The following COL16A1 variants were observed in gnomAD, a reference collection of about 807,000 sequenced individuals.
The protein encoded by COL16A1 is collagen alpha-1(XVI) chain.
Under a neutral mutation model 266.3 loss-of-function variants are expected in COL16A1, and 189 were observed. The ratio of observed to expected loss-of-function variants is 0.71; its 90% confidence interval spans 0.63 to 0.80. COL16A1 has a LOEUF of 0.80. Ranked by LOEUF, COL16A1 falls within the 30% of genes least tolerant of loss-of-function variation. The pLI is 0.00. For missense variants in COL16A1, 1,928 were observed against 2,122.4 expected (o/e 0.91, Z 1.80); for synonymous variants, 740 against 782.3 (o/e 0.95, Z 0.90).
At position 31,672,624 on chromosome 1, in the gene COL16A1, A is replaced by G. The variant is rs370069154; in HGVS notation, c.2990T>C (p.Leu997Pro). 4 of 1,605,058 alleles carry G rather than the reference A, an allele frequency of 2.5e-6. No individual in the cohort carries two copies. The African/African-American group carries it at 5.4e-5, about 21-fold the overall frequency. ...GGCCTCCTCGGCTCTTGGGCGCTCC[A>G]GTGACAAAAAGCACTGCAAGGGACA... ...LDNCAQCFLS[L>P]ERPRAEEARG... The change falls in exon 46 of 71, where the codon CTG becomes CCG. Residue 997 changes from leucine (L) to proline (P), a missense_variant. Leu to Pro is a moderately conservative substitution (Grantham distance 98, BLOSUM62 -3). Around this residue, in one of 2 missense-constraint regions of COL16A1, gnomAD observed 1,552 missense variants for 1,637.2 expected, o/e 0.95. Coordinates refer to ENST00000373672, the MANE Select transcript of COL16A1 (RefSeq NM_001856.4).
intron 40 of COL16A1, 77 bp downstream of exon 40, chr1:31,679,959 GGGCCTT>G: frequency 1.3e-6 from 2 of 1,585,456 alleles, no homozygotes; most frequent in Non-Finnish European, 8.6e-7. Flanking sequence ...TGGCCCTGCG[GGGCCTT>G]TGCACACTGG....
chr1:31,696,816 T>A (rs1644522024), intron 8 of COL16A1, 147 bp downstream of exon 8: 2 of 1,321,442 alleles, frequency 1.5e-6, no homozygotes, highest in African/African-American at 2.9e-5. Flanking sequence ...CATTTAGGGG[T>A]GGCGTACAAA....
intron 17 of COL16A1, 94 bp from the exon 18 acceptor site, chr1:31,691,736 T>G: frequency 1.7e-6 from 2 of 1,196,036 alleles, no homozygotes; most frequent in Non-Finnish European, 2.3e-6. Flanking sequence ...CCACCCTCCC[T>G]GCCCCTCCCC....
At position 31,694,172 on chromosome 1, in the gene COL16A1, T is replaced by C. The variant is rs777622969; in HGVS notation, c.982-2A>G. ...GGGGCCAGAGGGAGCAAGTGTGACC[T>C]GAGGGGACAGAGGAGAGGGCATCAC... On this transcript the variant is annotated splice_acceptor_variant, in intron 11 of 70. Coordinates refer to ENST00000373672, the MANE Select transcript of COL16A1 (RefSeq NM_001856.4). LOFTEE classifies it high-confidence loss of function. The C allele has an allele frequency of 1.9e-6, 3 of 1,590,798 alleles. No homozygotes were observed. In the South Asian group the frequency reaches 3.5e-5, roughly 18 times the overall value.
chr1:31,692,107 G>A, intron 16 of COL16A1, 40 bp from the exon 17 acceptor site: 1 of 1,612,778 alleles, frequency 6.2e-7, no homozygotes, highest in South Asian at 1.1e-5. Flanking sequence ...ATGAGGGAAG[G>A]GCCTGGGACA....
intron 23 of COL16A1, chr1:31,689,446 C>T: frequency 1.8e-6 from 1 of 562,340 alleles, no homozygotes; most frequent in Middle Eastern, 4.7e-4. Flanking sequence ...AATCCTAGGA[C>T]ACAGCCTCAC....
Position 31,661,647 on chromosome 1 carries a change from C to G in COL16A1, c.3726+13G>C, listed in dbSNP as rs771048618. ...CTTCGCAGCTTCCAACTCCTTCCTG[C>G]AGCTCAACTTACCGGTGGTCCCATG... is the stretch of plus-strand genomic sequence containing the variant. On this transcript the variant is annotated intron_variant, in intron 59 of 70. Transcript: ENST00000373672. The G allele has an allele frequency of 5.2e-5, 84 of 1,613,674 alleles. No individual in the cohort carries two copies. Among genetic ancestry groups the G allele is most frequent in the Non-Finnish European group, 6.9e-5 (82 of 1,179,912 alleles).
chr1:31,661,584 G>A (rs1435587151), intron 59 of COL16A1, 76 bp downstream of exon 59: 9 of 1,611,788 alleles, frequency 5.6e-6, no homozygotes, highest in Middle Eastern at 3.3e-4. Context: ...GGAGGATCTG[G>A]ATTTGAGCTG....
At chr1:31,660,745 C>A in intron 61 of COL16A1, 107 bp from the exon 62 acceptor site, 1 of 1,499,676 alleles carries the variant, frequency 6.7e-7, no homozygotes, top group South Asian at 1.2e-5. Flanking sequence ...ATGCCAATGG[C>A]CAAAGGAGCT....
chr1:31,662,445 G>T, intron 57 of COL16A1, 58 bp from the exon 58 acceptor site: 3 of 1,586,616 alleles, frequency 1.9e-6, no homozygotes, highest in Non-Finnish European at 2.6e-6. Context: ...GGAGGTGGGA[G>T]GCCTGGCCCA....
chr1:31,703,393 C>A (rs542404759), intron 1 of COL16A1, among the ~76,000 whole-genome samples: 2 of 152,176 alleles, frequency 1.3e-5, no homozygotes, highest in Non-Finnish European at 2.9e-5. Context: ...CAGAACTGTG[C>A]CCCCAGCCTG....
In COL16A1 at chr1:31,698,458, C is replaced by G; in HGVS notation, c.390+25G>C. The G allele has an allele frequency of 6.2e-7, 1 of 1,613,418 alleles. No individual in the cohort carries two copies. Among genetic ancestry groups the G allele is most frequent in the Non-Finnish European group, 8.5e-7 (1 of 1,179,652 alleles). On this transcript the variant is annotated intron_variant, in intron 5 of 70. Transcript: ENST00000373672. The surrounding 1 kb of genome is among the most constrained non-coding windows in gnomAD (Gnocchi z 4.1). Reference sequence around the variant, plus strand: ...TGGTGCTACCCAATGCCCTAAGAGGCAATCAGGGCACAGGGGAGGTTCACC... The same window carrying G: ...TGGTGCTACCCAATGCCCTAAGAGGGAATCAGGGCACAGGGGAGGTTCACC...
In COL16A1 at chr1:31,685,767, C is replaced by T. The variant is rs756540297; in HGVS notation, c.1888G>A (p.Glu630Lys). The T allele has an allele frequency of 5.3e-5, 85 of 1,613,634 alleles. No individual in the cohort carries two copies. The highest frequency in any genetic ancestry group is 6.5e-5 in the Non-Finnish European group (77 of 1,179,948). Reference protein sequence around the residue: ...GPAGIKGAKGEPCEPCPALSN... With the variant: ...GPAGIKGAKGKPCEPCPALSN... Reference sequence around the variant, plus strand: ...AGGGCTGGGCACGGCTCACAGGGCTCCCCCTGCCAAGCAAGGACATTGAGT... The same window carrying T: ...AGGGCTGGGCACGGCTCACAGGGCTTCCCCTGCCAAGCAAGGACATTGAGT... Residue 630 changes from glutamate (E) to lysine (K), a missense_variant, in exon 29 of 71, where the codon GAG becomes AAG. Transcript: ENST00000373672. The surrounding 1 kb of genome is among the most constrained non-coding windows in gnomAD (Gnocchi z 4.0).
In COL16A1 at chr1:31,661,679, G is replaced by A. The variant is rs780612585; in HGVS notation, c.3707C>T (p.Pro1236Leu). 2.1e-5 allele frequency: 33 copies of A among 1,605,774 alleles called. No homozygotes were observed. Among genetic ancestry groups the A allele is most frequent in the Non-Finnish European group, 2.5e-5 (29 of 1,177,838 alleles). ...LRGDPGPAGPPGLMGPPGFKG... is the reference protein window; with the variant it reads ...LRGDPGPAGPLGLMGPPGFKG... ...ACTTACCGGTGGTCCCATGAGTCCA[G>A]GGGGGCCAGCAGGACCAGGGTCCCC... The change falls in exon 59 of 71, where the codon CCT (proline) becomes CTT (leucine). Residue 1236 changes from proline (P) to leucine (L), a missense_variant. Physicochemically the swap from Pro to Leu is moderately conservative, Grantham distance 98 (BLOSUM62 -3). Transcript: ENST00000373672.
intron 47 of COL16A1, 72 bp from the exon 48 acceptor site, chr1:31,671,731 T>G: frequency 6.3e-7 from 1 of 1,597,474 alleles, no homozygotes; most frequent in Non-Finnish European, 8.5e-7. Flanking sequence ...CCAGCAGCCT[T>G]CCTCCCAGCT....
At chr1:31,662,435 G>A (rs371757926) in intron 57 of COL16A1, 48 bp from the exon 58 acceptor site, 49 of 1,594,362 alleles carry the variant, frequency 3.1e-5, no homozygotes, top group Non-Finnish European at 4.2e-5. Flanking sequence ...GGGAGCCCTA[G>A]GAGGTGGGAG....
At chr1:31,703,300 A>G (rs1054025864) in intron 1 of COL16A1, among the ~76,000 whole-genome samples, 2 of 152,090 alleles carry the variant, frequency 1.3e-5, no homozygotes, top group African/African-American at 4.8e-5. Context: ...CCTTCCCTCA[A>G]TCATGGATAG....
chr1:31,698,744 C>T lies in COL16A1; in HGVS notation c.267-138G>A. On this transcript the variant is annotated intron_variant, in intron 4 of 70. Transcript: ENST00000373672. This position sits in a 1 kb window ranked among gnomAD's most constrained non-coding sequence, Gnocchi z 4.1. ...TCCATCATATACATTCATTCACTCT[C>T]CATACCTTTACTGAGTGCCTTCCGC... is the stretch of plus-strand genomic sequence containing the variant. 7.2e-7 allele frequency: 1 copy of T among 1,388,780 alleles called. No individual in the cohort carries two copies. The highest frequency in any genetic ancestry group is 1.4e-5 in the South Asian group (1 of 70,726). 86.0% of individuals were successfully genotyped at this position (1,388,780 alleles called of 1,614,324 possible).
intron 56 of COL16A1, 98 bp from the exon 57 acceptor site, chr1:31,662,756 G>T: frequency 2.3e-6 from 3 of 1,285,698 alleles, no homozygotes; most frequent in Non-Finnish European, 2.1e-6. Flanking sequence ...GGGTCCTGGT[G>T]ACTGCTGGAA....
Sources: allele counts gnomAD v4.1 joint callset (sites outside exome capture counted in the v4.1 genomes callset), GRCh38; gene constraint gnomAD v4.1.1; regional missense constraint gnomAD v4.1.1; non-coding constraint Gnocchi (gnomAD v3.1); transcripts MANE v1.5; gene names NCBI Gene and HGNC (gene_info 2026-07-23, HGNC 2026-07-21).